BANK1: variants seen among roughly 807,000 people sequenced by gnomAD.
BANK1 encodes B cell scaffold protein with ankyrin repeats 1, also known as B-cell scaffold protein with ankyrin repeats.
A neutral mutation model predicts 94.5 loss-of-function variants in BANK1; 95 were observed. The ratio of observed to expected loss-of-function variants is 1.00; its 90% confidence interval spans 0.85 to 1.19. BANK1 has a LOEUF of 1.19. Among genes scored for constraint, BANK1 ranks in the 50% most tolerant of loss-of-function variants. BANK1 has a pLI of 0.00. For synonymous variants in BANK1, 334 were observed against 308.4 expected, an observed-to-expected ratio of 1.08 and a Z score of -0.87; for missense variants, 987 against 932.2, an observed-to-expected ratio of 1.06 and a Z score of -0.77.
chr4:101,832,127 T>C (rs972105942), intron 2 of BANK1, among the ~76,000 whole-genome samples: 1 of 152,238 alleles, frequency 6.6e-6, no homozygotes, highest in African/African-American at 2.4e-5. Flanking sequence ...ACACTGAAGG[T>C]AGAGTTTGTC....
At chr4:101,944,198 C>T (rs1723854235) in intron 7 of BANK1, among the ~76,000 whole-genome samples, 1 of 151,816 alleles carries the variant, frequency 6.6e-6, no homozygotes, top group South Asian at 2.1e-4. Context: ...ATATGGTATG[C>T]TGGTAAAAGC....
intron 5 of BANK1, among the ~76,000 whole-genome samples, chr4:101,883,122 A>C (rs1317328176): frequency 6.6e-6 from 1 of 152,222 alleles, no homozygotes; most frequent in Non-Finnish European, 1.5e-5. Flanking sequence ...CATAAGTGAC[A>C]TTTCTTTTGT....
chr4:101,852,495 TATATATATACAC>T (rs1426831702), intron 2 of BANK1, among the ~76,000 whole-genome samples: 62 of 112,630 alleles, frequency 5.5e-4, no homozygotes, highest in African/African-American at 8.6e-4. Context: ...TATATATATA[TATATATATACAC>T]ACACACATAT....
chr4:101,799,266 G>T (rs1301411759), intron 1 of BANK1, among the ~76,000 whole-genome samples: 2 of 152,130 alleles, frequency 1.3e-5, no homozygotes, highest in African/African-American at 4.8e-5. Context: ...AAGATGAGAT[G>T]GTTATAGATG....
chr4:101,846,374 G>T (rs901174559), intron 2 of BANK1, among the ~76,000 whole-genome samples: 25 of 152,166 alleles, frequency 1.6e-4, no homozygotes, highest in African/African-American at 6.0e-4. Flanking sequence ...GATTCCATCA[G>T]ATAATTCCTG....
chr4:101,932,408 CT>C (rs1162484830), intron 7 of BANK1, among the ~76,000 whole-genome samples: 1 of 151,428 alleles, frequency 6.6e-6, no homozygotes, highest in East Asian at 2.0e-4. Context: ...AAAATTTGGA[CT>C]TTTTAAAGGG....
chr4:102,048,333 A>C (rs1394183805), intron 11 of BANK1, among the ~76,000 whole-genome samples: 4 of 152,152 alleles, frequency 2.6e-5, no homozygotes, highest in Admixed American at 2.6e-4. Context: ...AAAACAAGAT[A>C]ATTTGGAATA....
At chr4:101,795,879 A>G (rs78599855) in intron 1 of BANK1, among the ~76,000 whole-genome samples, 1,851 of 152,306 alleles carry the variant, frequency 0.012, 50 homozygotes, top group African/African-American at 0.042. Context: ...ACCTGGGCCA[A>G]GAATAGGCAC....
intron 3 of BANK1, 45 bp from the exon 4 acceptor site, chr4:101,862,481 T>C: frequency 6.5e-7 from 1 of 1,536,040 alleles, no homozygotes; most frequent in Non-Finnish European, 8.8e-7. Context: ...TTGGTTAATG[T>C]AAACTTTTCC....
At chr4:101,791,020 C>A in intron 1 of BANK1, 70 bp downstream of exon 1, 1 of 1,282,012 alleles carries the variant, frequency 7.8e-7, no homozygotes, top group Non-Finnish European at 1.0e-6. Flanking sequence ...AGACCACGGG[C>A]CATCGTTAGA....
intron 10 of BANK1, among the ~76,000 whole-genome samples, chr4:102,037,405 C>G (rs190021927): frequency 6.6e-6 from 1 of 152,254 alleles, no homozygotes; most frequent in East Asian, 1.9e-4. Context: ...ACAGGTGCAT[C>G]GAACAACCAT....
At chr4:102,037,817 A>T (rs1437293947) in intron 10 of BANK1, among the ~76,000 whole-genome samples, 1 of 152,194 alleles carries the variant, frequency 6.6e-6, no homozygotes, top group Non-Finnish European at 1.5e-5. Flanking sequence ...GGTAGCATGT[A>T]GGAAATGATA....
chr4:101,912,767 C>T (rs1722706860), intron 6 of BANK1, among the ~76,000 whole-genome samples: 1 of 151,772 alleles, frequency 6.6e-6, no homozygotes, highest in African/African-American at 2.4e-5. Context: ...GCAGTGCTTC[C>T]AAAGGCGTCT....
intron 1 of BANK1, among the ~76,000 whole-genome samples, chr4:101,822,753 C>T (rs1374860393): frequency 6.6e-6 from 1 of 151,816 alleles, no homozygotes; most frequent in African/African-American, 2.4e-5. Context: ...GTAGCTGGGA[C>T]TACAGGTGTC....
chr4:101,949,896 T>G (rs1724073094), intron 7 of BANK1, among the ~76,000 whole-genome samples: 2 of 151,936 alleles, frequency 1.3e-5, no homozygotes, highest in South Asian at 4.2e-4. Flanking sequence ...AATAAAAGAG[T>G]AAGAATATAA....
chr4:101,863,885 T>C (rs1005362912), intron 4 of BANK1, among the ~76,000 whole-genome samples: 4 of 152,138 alleles, frequency 2.6e-5, no homozygotes, highest in Non-Finnish European at 4.4e-5. Context: ...TATTGCAAAT[T>C]AAGAAGCACT....
Position 101,794,768 on chromosome 4 carries a change from A to G in BANK1, c.70+3818A>G, listed in dbSNP as rs186173178. On this transcript the variant is annotated intron_variant, in intron 1 of 16. Coordinates refer to ENST00000322953, the MANE Select transcript of BANK1 (RefSeq NM_017935.5). ...GAATTGAAATCTCTTTGTTGTTTCT[A>G]AGTGTTCTGCACTGAAATAATCCAG... Among the ~76,000 whole-genome samples, 409 of 152,264 alleles carry G rather than the reference A, an allele frequency of 2.7e-3. 2 individuals carry two copies. Among genetic ancestry groups the G allele is most frequent in the African/African-American group, 9.5e-3 (397 of 41,574 alleles).
At chr4:101,927,645 A>T (rs1298326535) in intron 7 of BANK1, among the ~76,000 whole-genome samples, 1 of 151,702 alleles carries the variant, frequency 6.6e-6, no homozygotes, top group Non-Finnish European at 1.5e-5. Context: ...AATGGAATTT[A>T]CTGACTTTGG....
rs1259301779 is a variant in BANK1, at chr4:101,852,485, TATATATATATATATATATAC to T, written c.470-2548_470-2529del. On this transcript the variant is annotated intron_variant, in intron 2 of 16. Transcript: ENST00000322953. The stretch of plus-strand genomic sequence containing the variant: ...TATTTTTCGGCTATATATATATATA[TATATATATATATATATATAC>T]ACACACACATATAGTCTATTCTCAT... 9.2e-5 allele frequency among the ~76,000 whole-genome samples: 10 copies of T among 108,864 alleles called. 1 individual carries two copies. The highest frequency in any genetic ancestry group is 4.5e-4 in the Admixed American group (5 of 11,124). 71.4% of individuals were successfully genotyped at this position (108,864 alleles called of 152,430 possible).
Sources: gnomAD v4.1 joint callset for allele counts (sites outside exome capture counted in the v4.1 genomes callset) on GRCh38, gnomAD v4.1.1 for gene constraint, MANE v1.5 for transcripts, NCBI Gene and HGNC (gene_info 2026-07-23, HGNC 2026-07-21) for gene names.